BRWD3: variants seen among roughly 807,000 people sequenced by gnomAD.
The protein encoded by BRWD3 is bromodomain and WD repeat-containing protein 3.
BRWD3 carries 10 observed loss-of-function variants against 149.7 expected under a neutral mutation model. The ratio of observed to expected loss-of-function variants is 0.07; its 90% CI spans 0.04 to 0.11. The LOEUF is 0.11. Ranked by LOEUF, BRWD3 falls within the 10% of genes least tolerant of loss-of-function variation. The pLI, the probability that BRWD3 is intolerant of heterozygous loss-of-function variation, is 1.00. For missense variants in BRWD3, 940 were observed against 1,373.2 expected, an observed-to-expected ratio of 0.68 and a Z score of 4.99; for synonymous variants, 504 against 456.7, an observed-to-expected ratio of 1.10 and a Z score of -1.32.
At chrX:80,699,890 A>T (rs751389703) in intron 25 of BRWD3, 67 bp downstream of exon 25, 439 of 823,687 alleles carry the variant, frequency 5.3e-4, no homozygotes, top group Non-Finnish European at 7.3e-4. Context: ...AGGGGAAAAA[A>T]CCATGGGTAA....
In BRWD3 at chrX:80,799,119, C is replaced by G. The variant is rs924876631; in HGVS notation, c.181-5347G>C. ...AAATTAACCCTAGATTATAAACCTT[C>G]TTGATAGTTAGACTGGCTGACCTGA... On this transcript the variant is annotated intron_variant, in intron 4 of 40. Coordinates refer to ENST00000373275, the MANE Select transcript of BRWD3 (RefSeq NM_153252.5). 1.9e-4 allele frequency among the ~76,000 whole-genome samples: 21 copies of G among 112,467 alleles called. No homozygotes were observed. The Admixed American group carries it at 2.0e-3, about 11-fold the overall frequency.
At chrX:80,739,946 A>C (rs1335622473) in intron 8 of BRWD3, among the ~76,000 whole-genome samples, 1 of 112,229 alleles carries the variant, frequency 8.9e-6, no homozygotes, top group Non-Finnish European at 1.9e-5. Flanking sequence ...GATAAGGGGG[A>C]CTACGATAAT....
intron 8 of BRWD3, among the ~76,000 whole-genome samples, chrX:80,739,421 T>C (rs1404602443): frequency 9.0e-6 from 1 of 111,584 alleles, no homozygotes; most frequent in African/African-American, 3.3e-5. Context: ...TAAACAAGTA[T>C]GGAGCTAAAA....
intron 6 of BRWD3, among the ~76,000 whole-genome samples, chrX:80,758,766 T>C (rs764239936): frequency 5.4e-5 from 6 of 111,205 alleles, no homozygotes; most frequent in Non-Finnish European, 1.1e-4. Flanking sequence ...TCCTGGGCAA[T>C]ATAGCGAGAT....
intron 6 of BRWD3, among the ~76,000 whole-genome samples, chrX:80,759,416 A>G (rs1319244865): frequency 1.8e-5 from 2 of 112,020 alleles, no homozygotes; most frequent in Admixed American, 9.5e-5. Context: ...AAATTATTTC[A>G]GTATAACAGG....
chrX:80,741,718 G>C (rs976708054), intron 8 of BRWD3, among the ~76,000 whole-genome samples: 1 of 112,215 alleles, frequency 8.9e-6, no homozygotes, highest in Non-Finnish European at 1.9e-5. Context: ...CTTTTGAGAA[G>C]TGTCTCTTCA....
At chrX:80,688,850 A>T (rs1190039286) in intron 33 of BRWD3, among the ~76,000 whole-genome samples, 2 of 111,259 alleles carry the variant, frequency 1.8e-5, no homozygotes, top group African/African-American at 6.5e-5. Context: ...ATAAGAAAAT[A>T]TAAAAAAAAT....
At chrX:80,769,885 C>T (rs1457398602) in intron 6 of BRWD3, among the ~76,000 whole-genome samples, 3 of 110,628 alleles carry the variant, frequency 2.7e-5, no homozygotes, top group African/African-American at 9.9e-5. Flanking sequence ...AGAGAAGAAT[C>T]AAATAGATGC....
At chrX:80,713,881 C>G (rs932950396) in intron 20 of BRWD3, among the ~76,000 whole-genome samples, 1 of 111,752 alleles carries the variant, frequency 8.9e-6, no homozygotes, top group Non-Finnish European at 1.9e-5. Flanking sequence ...GCCTTACAAA[C>G]CATAGAGTCC....
In BRWD3 at chrX:80,703,531, G is replaced by A. The variant is rs374506452; in HGVS notation, c.2784C>T (p.Ile928=). 5.8e-6 allele frequency: 7 copies of A among 1,208,090 alleles called. No homozygotes were observed. The Admixed American group carries it at 1.5e-4, about 26-fold the overall frequency. The change falls in exon 24 of 41, where the codon ATC becomes ATT. Residue 928 remains isoleucine, a synonymous_variant. Transcript: ENST00000373275. ...GGGAACGTCGGGGTATAGTATCCAA[G>A]ATCCACTGAGGGGCAAACCATTCTT... ...PNEEWFAPQW[I]LDTIPRRSPF... is the part of the protein sequence containing the mutation.
chrX:80,775,917 T>G lies in BRWD3; in HGVS notation c.430+15937A>C, dbSNP rs373300765. Among the ~76,000 whole-genome samples the G allele has an allele frequency of 5.4e-5, 6 of 111,984 alleles. No homozygotes were observed. The South Asian group carries it at 1.5e-3, about 28-fold the overall frequency. The stretch of plus-strand genomic sequence containing the variant: ...TGAGTTCACAGTAGTCTTGTGAGAT[T>G]TGAAGGCAAGTTTCTTCCCTTTGTA... On this transcript the variant is annotated intron_variant, in intron 6 of 40. Transcript: ENST00000373275.
intron 6 of BRWD3, among the ~76,000 whole-genome samples, chrX:80,778,071 G>A (rs1485757258): frequency 9.0e-6 from 1 of 111,663 alleles, no homozygotes; most frequent in Non-Finnish European, 1.9e-5. Flanking sequence ...CATAAACATA[G>A]TAGCCACATT....
chrX:80,753,542 A>G (rs2073699152), intron 6 of BRWD3, among the ~76,000 whole-genome samples: 1 of 111,644 alleles, frequency 9.0e-6, no homozygotes, highest in Non-Finnish European at 1.9e-5. Context: ...AAGTGCTGGG[A>G]TAACAGACAT....
chrX:80,702,730 G>C (rs1179330656), intron 24 of BRWD3, among the ~76,000 whole-genome samples: 1 of 111,749 alleles, frequency 8.9e-6, no homozygotes, highest in Non-Finnish European at 1.9e-5. Flanking sequence ...TTACAGAAAA[G>C]TTTGGTAAAA....
At chrX:80,725,640 C>T (rs1286453259) in intron 14 of BRWD3, among the ~76,000 whole-genome samples, 2 of 111,297 alleles carry the variant, frequency 1.8e-5, no homozygotes, top group Non-Finnish European at 3.8e-5. Context: ...GTCTATATAA[C>T]ATATAACATG....
intron 6 of BRWD3, among the ~76,000 whole-genome samples, chrX:80,762,309 A>G (rs1194553557): frequency 8.9e-6 from 1 of 111,951 alleles, no homozygotes; most frequent in Non-Finnish European, 1.9e-5. Context: ...TAACAAAACT[A>G]AGGACCATGT....
At chrX:80,736,122 GT>G (rs2073400377) in intron 8 of BRWD3, 34 bp from the exon 9 acceptor site, 1 of 923,143 alleles carries the variant, frequency 1.1e-6, no homozygotes, top group Non-Finnish European at 1.5e-6. Flanking sequence ...CAAATAAAAA[GT>G]TTTCATGTTC....
chrX:80,684,334 A>G (rs770481938), intron 36 of BRWD3, among the ~76,000 whole-genome samples, 172 bp from the exon 37 acceptor site: 12 of 111,888 alleles, frequency 1.1e-4, no homozygotes, highest in Non-Finnish European at 2.3e-4. Context: ...TAAAAACAGC[A>G]TAAGTCTGTG....
chrX:80,696,519 TACACACACACACACACACACACACAC>T (rs560341387), intron 26 of BRWD3, among the ~76,000 whole-genome samples, 194 bp downstream of exon 26: 1 of 82,172 alleles, frequency 1.2e-5, no homozygotes, highest in Non-Finnish European at 2.4e-5. Context: ...ATAACATAAA[TACACACACACACACACACACACACAC>T]ACACACACAC....
Sources: allele counts gnomAD v4.1 joint callset (sites outside exome capture counted in the v4.1 genomes callset), GRCh38; gene constraint gnomAD v4.1.1; transcripts MANE v1.5; gene names NCBI Gene and HGNC (gene_info 2026-07-23, HGNC 2026-07-21).